GMDS: variants seen among roughly 807,000 people sequenced by gnomAD.
GMDS encodes GDP-mannose 4,6 dehydratase.
Under a neutral mutation model 49.9 loss-of-function variants are expected in GMDS, and 20 were observed. The ratio of observed to expected loss-of-function variants is 0.40; its 90% CI spans 0.28 to 0.58. GMDS has a LOEUF of 0.58. Among genes scored for constraint, GMDS ranks in the 20% least tolerant of loss-of-function variants. The probability of loss-of-function intolerance (pLI) is 0.42; values close to 1 mark genes in which losing one functional copy is unlikely to be tolerated. For missense variants in GMDS, 362 were observed against 481.4 expected (o/e 0.75, Z 2.32); for synonymous variants, 177 against 178.6 (o/e 0.99, Z 0.07).
At chr6:1,867,767 G>T (rs1758511965) in intron 7 of GMDS, among the ~76,000 whole-genome samples, 1 of 152,164 alleles carries the variant, frequency 6.6e-6, no homozygotes, top group African/African-American at 2.4e-5. Context: ...CAAAAGAAAA[G>T]TCTCAGAAAA....
chr6:2,135,516 T>C (rs1775949189), intron 1 of GMDS, among the ~76,000 whole-genome samples: 1 of 151,342 alleles, frequency 6.6e-6, no homozygotes, highest in Non-Finnish European at 1.5e-5. Flanking sequence ...ACAGAGTAAA[T>C]GAAAATAAGA....
At chr6:1,898,685 T>C (rs1173397438) in intron 7 of GMDS, among the ~76,000 whole-genome samples, 1 of 152,166 alleles carries the variant, frequency 6.6e-6, no homozygotes, top group East Asian at 1.9e-4. Context: ...CAGGATCCAA[T>C]GCAAGCTTGG....
At chr6:2,041,114 T>C (rs1231364528) in intron 4 of GMDS, among the ~76,000 whole-genome samples, 4 of 152,188 alleles carry the variant, frequency 2.6e-5, no homozygotes, top group Admixed American at 6.5e-5. Flanking sequence ...GGTTCTAAGG[T>C]AGAAAGCTAA....
chr6:1,975,472 C>G (rs1017346741), intron 4 of GMDS, among the ~76,000 whole-genome samples: 5 of 152,096 alleles, frequency 3.3e-5, no homozygotes, highest in Non-Finnish European at 7.3e-5. Context: ...AAACTTCGGA[C>G]AGAAAACTAA....
At chr6:1,707,501 G>C in intron 9 of GMDS, among the ~76,000 whole-genome samples, 1 of 136,030 alleles carries the variant, frequency 7.4e-6, no homozygotes, top group Admixed American at 7.3e-5. Context: ...GCGTTGTCCA[G>C]GGTGAGCAAC....
At chr6:2,070,599 G>T (rs1466533607) in intron 4 of GMDS, among the ~76,000 whole-genome samples, 3 of 151,960 alleles carry the variant, frequency 2.0e-5, no homozygotes, top group African/African-American at 4.8e-5. Flanking sequence ...ATGTTTAAAG[G>T]CATTATCAAT....
chr6:1,932,476 T>C (rs1284628056), intron 6 of GMDS, among the ~76,000 whole-genome samples: 2 of 152,128 alleles, frequency 1.3e-5, no homozygotes, highest in African/African-American at 4.8e-5. Flanking sequence ...GTGGATCTTT[T>C]CTTATCTGGT....
chr6:1,819,776 A>AAATAT (rs1446275838), intron 7 of GMDS, among the ~76,000 whole-genome samples: 3 of 103,548 alleles, frequency 2.9e-5, no homozygotes, highest in East Asian at 2.7e-4. Context: ...AAAAAAAAAA[A>AAATAT]ATATATATAT....
At chr6:1,898,909 C>T (rs1760358455) in intron 7 of GMDS, among the ~76,000 whole-genome samples, 1 of 152,040 alleles carries the variant, frequency 6.6e-6, no homozygotes, top group African/African-American at 2.4e-5. Context: ...TTACAGCCAA[C>T]AATAAAGAAC....
In GMDS at chr6:1,761,084, T is replaced by C. The variant is rs375811879; in HGVS notation, c.772-18498A>G. ...ATGCAAAGAGTCATCTAGAGAAACC[T>C]CCCCTTCCATGGAAGGGCCTGTCCA... On this transcript the variant is annotated intron_variant, in intron 7 of 10. Transcript: ENST00000380815. 3.6e-4 allele frequency among the ~76,000 whole-genome samples: 55 copies of C among 152,120 alleles called. 1 individual carries two copies. The highest frequency in any genetic ancestry group is 1.3e-3 in the African/African-American group (52 of 41,486).
At chr6:2,231,252 T>G (rs1781094966) in intron 1 of GMDS, among the ~76,000 whole-genome samples, 1 of 152,052 alleles carries the variant, frequency 6.6e-6, no homozygotes, top group Non-Finnish European at 1.5e-5. Flanking sequence ...GTATATTCTT[T>G]GTGAGGTATG....
intron 4 of GMDS, among the ~76,000 whole-genome samples, chr6:2,100,323 C>G (rs994423529): frequency 6.6e-6 from 1 of 151,824 alleles, no homozygotes; most frequent in Non-Finnish European, 1.5e-5. Context: ...ATGTGTTAAC[C>G]CTATAGTTAT....
intron 7 of GMDS, among the ~76,000 whole-genome samples, chr6:1,852,625 T>G (rs1238449378): frequency 6.6e-6 from 1 of 152,204 alleles, no homozygotes; most frequent in East Asian, 1.9e-4. Context: ...AGTGTCTTTT[T>G]TTTTCTCTTA....
chr6:1,847,595 C>T (rs1757468154), intron 7 of GMDS, among the ~76,000 whole-genome samples: 2 of 152,338 alleles, frequency 1.3e-5, no homozygotes, highest in South Asian at 4.1e-4. Flanking sequence ...ACACTTCAAT[C>T]TCAGTGTGTC....
At chr6:1,892,384 G>T (rs1012497400) in intron 7 of GMDS, among the ~76,000 whole-genome samples, 2 of 152,028 alleles carry the variant, frequency 1.3e-5, no homozygotes, top group Non-Finnish European at 2.9e-5. Flanking sequence ...TTTTTAGATG[G>T]AATCTCGCTC....
intron 7 of GMDS, among the ~76,000 whole-genome samples, chr6:1,780,553 C>T (rs1350994657): frequency 1.3e-5 from 2 of 152,142 alleles, no homozygotes; most frequent in Non-Finnish European, 1.5e-5. Context: ...AGTTATAAAC[C>T]CTCTCCTTCC....
intron 4 of GMDS, among the ~76,000 whole-genome samples, chr6:2,070,707 A>G (rs528645115): frequency 6.6e-6 from 1 of 152,274 alleles, no homozygotes; most frequent in African/African-American, 2.4e-5. Context: ...ACTTGACCTC[A>G]CTGAAACTCC....
At chr6:2,227,283 CTT>C (rs567815167) in intron 1 of GMDS, among the ~76,000 whole-genome samples, 50 of 152,260 alleles carry the variant, frequency 3.3e-4, no homozygotes, top group African/African-American at 1.2e-3. Context: ...CAACACCTCA[CTT>C]TTCAAACACC....
intron 1 of GMDS, among the ~76,000 whole-genome samples, chr6:2,190,463 C>G (rs1778963015): frequency 6.6e-6 from 1 of 152,214 alleles, no homozygotes; most frequent in Non-Finnish European, 1.5e-5. Flanking sequence ...AAGGCTCAGA[C>G]AAGTCATGTT....
Sources: gnomAD v4.1 joint callset for allele counts (sites outside exome capture counted in the v4.1 genomes callset) on GRCh38, gnomAD v4.1.1 for gene constraint, MANE v1.5 for transcripts, NCBI Gene and HGNC (gene_info 2026-07-23, HGNC 2026-07-21) for gene names.